Variants in CCDC180 observed in about 807,000 individuals in gnomAD.
CCDC180 encodes the protein coiled-coil domain containing 180.
A neutral mutation model predicts 209.2 loss-of-function variants in CCDC180; 154 were observed. The ratio of observed to expected loss-of-function variants is 0.74; its 90% confidence interval spans 0.65 to 0.84. The LOEUF (loss-of-function observed/expected upper bound fraction) is 0.84. Ranked by LOEUF, CCDC180 falls within the 40% of genes least tolerant of loss-of-function variation. CCDC180 has a pLI of 0.00. For missense variants in CCDC180, 1,874 were observed against 1,997.3 expected (o/e 0.94, Z 1.18); for synonymous variants, 778 against 749.1 (o/e 1.04, Z -0.63).
chr9:97,354,064 C>T (rs1185233312), intron 22 of CCDC180, among the ~76,000 whole-genome samples: 1 of 147,288 alleles, frequency 6.8e-6, no homozygotes, highest in African/African-American at 2.5e-5. Context: ...GTGGCGCAAT[C>T]TCGGCTCACT....
intron 29 of CCDC180, chr9:97,365,105 A>C (rs7041222): frequency 0.21 from 32,589 of 152,394 alleles, 3,734 homozygotes; most frequent in East Asian, 0.4. Context: ...GTGTTTATAG[A>C]AGGAAGGCAA....
At chr9:97,310,024 C>G (rs1832930703) in intron 3 of CCDC180, among the ~76,000 whole-genome samples, 1 of 152,196 alleles carries the variant, frequency 6.6e-6, no homozygotes, top group African/African-American at 2.4e-5. Context: ...GTGGTCTTGG[C>G]CCCCTCCTGA....
At chr9:97,355,782 T>C (rs1368930392) in intron 24 of CCDC180, among the ~76,000 whole-genome samples, 6 of 152,078 alleles carry the variant, frequency 3.9e-5, no homozygotes, top group African/African-American at 1.4e-4. Context: ...TAACCTGGGC[T>C]AAGAAAGTGG....
intron 8 of CCDC180, among the ~76,000 whole-genome samples, chr9:97,316,176 G>T (rs987298842): frequency 4.6e-5 from 7 of 152,172 alleles, no homozygotes; most frequent in Admixed American, 4.6e-4. Context: ...TCCCTTCCTT[G>T]TGCTTCTACT....
intron 9 of CCDC180, among the ~76,000 whole-genome samples, chr9:97,317,514 T>G (rs1833216880): frequency 2.6e-5 from 4 of 152,254 alleles, no homozygotes; most frequent in Admixed American, 1.3e-4. Context: ...CCTTGCTTCA[T>G]GACCATTCTC....
intron 4 of CCDC180, 71 bp downstream of exon 4, chr9:97,312,272 G>A (rs151063736): frequency 1.1e-5 from 15 of 1,333,706 alleles, no homozygotes; most frequent in African/African-American, 4.3e-5. Context: ...AGGTGGGGAC[G>A]TCTCCTGGCA....
chr9:97,348,250 A>G (rs1046453172), intron 20 of CCDC180, among the ~76,000 whole-genome samples: 1 of 152,094 alleles, frequency 6.6e-6, no homozygotes. Flanking sequence ...GCAAACTCCT[A>G]TTCCTGGAGC....
intron 29 of CCDC180, 150 bp downstream of exon 29, chr9:97,364,278 A>T: frequency 1.6e-6 from 1 of 629,934 alleles, no homozygotes. Context: ...GGTCAAGGTC[A>T]GTTTGTCTCA....
intron 29 of CCDC180, chr9:97,365,472 A>G: frequency 1.8e-6 from 1 of 556,724 alleles, no homozygotes; most frequent in South Asian, 2.3e-5. Flanking sequence ...GGGCAGGAAC[A>G]AATACAACCA....
intron 33 of CCDC180, 44 bp downstream of exon 33, chr9:97,370,822 A>G: frequency 6.2e-7 from 1 of 1,601,494 alleles, no homozygotes; most frequent in Non-Finnish European, 8.5e-7. Flanking sequence ...TGCTCCAAAT[A>G]TAGCCCGATG....
intron 14 of CCDC180, among the ~76,000 whole-genome samples, chr9:97,325,959 G>A (rs547844520): frequency 6.6e-6 from 1 of 152,252 alleles, no homozygotes; most frequent in East Asian, 1.9e-4. Flanking sequence ...AAGGTGAGTG[G>A]GGGGAATAAC....
chr9:97,322,837 C>G lies in CCDC180; in HGVS notation c.1164C>G (p.Thr388=). The G allele has an allele frequency of 6.2e-7, 1 of 1,613,908 alleles. No homozygotes were observed. Among genetic ancestry groups the G allele is most frequent in the Non-Finnish European group, 8.5e-7 (1 of 1,179,902 alleles). Residue 388 remains threonine (T), a synonymous_variant, in exon 12 of 37, where the codon ACC becomes ACG. Transcript: ENST00000529487. ...SLNSLNKELD[T]YHVDCMMRIR... ...CTTTGTTTTCTGCCCATGGAGACAC[C>G]TACCACGTGGACTGCATGATGCGGA...
At chr9:97,320,346 G>A in intron 11 of CCDC180, 141 bp downstream of exon 11, 1 of 742,058 alleles carries the variant, frequency 1.3e-6, no homozygotes, top group Non-Finnish European at 2.3e-6. Flanking sequence ...AGCTCTGAGG[G>A]CTCAAAAGGC....
At chr9:97,326,336 G>A (rs1833533508) in intron 14 of CCDC180, among the ~76,000 whole-genome samples, 1 of 152,138 alleles carries the variant, frequency 6.6e-6, no homozygotes, top group Non-Finnish European at 1.5e-5. Flanking sequence ...GTATGATGTG[G>A]GCAGGGAAGA....
chr9:97,335,142 A>G (rs1402162540), intron 18 of CCDC180, among the ~76,000 whole-genome samples: 1 of 150,300 alleles, frequency 6.7e-6, no homozygotes, highest in African/African-American at 2.5e-5. Flanking sequence ...CTTTTGCTCT[A>G]TTAAAAACTC....
At chr9:97,362,736 G>A (rs962824754) in intron 28 of CCDC180, among the ~76,000 whole-genome samples, 29 of 152,238 alleles carry the variant, frequency 1.9e-4, no homozygotes, top group African/African-American at 6.0e-4. Context: ...GGGCCTTGGC[G>A]CCCTGCCCAC....
chr9:97,318,699 G>GC (rs1937818104), intron 10 of CCDC180, 117 bp downstream of exon 10: 1 of 1,399,258 alleles, frequency 7.1e-7, no homozygotes. Flanking sequence ...CCAACTCCCA[G>GC]CTCTCTGGCC....
chr9:97,361,642 G>A (rs1042434407), intron 26 of CCDC180, 84 bp from the exon 27 acceptor site: 7 of 1,422,864 alleles, frequency 4.9e-6, no homozygotes, highest in African/African-American at 1.4e-5. Flanking sequence ...GAGGCAGGGT[G>A]GGAGGGAACA....
At chr9:97,319,905 C>A (rs1044334721) in intron 10 of CCDC180, among the ~76,000 whole-genome samples, 2 of 152,030 alleles carry the variant, frequency 1.3e-5, no homozygotes, top group Admixed American at 6.5e-5. Flanking sequence ...AAATTATGTT[C>A]TTTTCTTATC....
Sources: gnomAD v4.1 joint callset for allele counts (sites outside exome capture counted in the v4.1 genomes callset) on GRCh38, gnomAD v4.1.1 for gene constraint, MANE v1.5 for transcripts, NCBI Gene and HGNC (gene_info 2026-07-23, HGNC 2026-07-21) for gene names.